Variants in PARD3 observed in about 807,000 individuals in gnomAD.
The protein encoded by PARD3 is par-3 family cell polarity regulator.
Under a neutral mutation model 155.4 loss-of-function variants are expected in PARD3, and 75 were observed. That is an observed-to-expected ratio of 0.48 (90% CI 0.40 to 0.58). The LOEUF is 0.58. Among genes scored for constraint, PARD3 ranks in the 20% least tolerant of loss-of-function variants. The pLI is 0.00. For missense variants in PARD3, 1,642 were observed against 1,721.7 expected (o/e 0.95, Z 0.82); for synonymous variants, 576 against 610.5 (o/e 0.94, Z 0.83).
At position 34,331,135 on chromosome 10, in the gene PARD3, C is replaced by A; in HGVS notation, c.2815G>T (p.Asp939Tyr). The A allele has an allele frequency of 6.2e-7, 1 of 1,613,448 alleles. No homozygotes were observed. Among genetic ancestry groups the A allele is most frequent in the South Asian group, 1.1e-5 (1 of 91,064 alleles). The change falls in exon 19 of 25, where the codon GAT becomes TAT. Residue 939 changes from aspartate to tyrosine, a missense_variant. This residue lies in a region of PARD3 where 1,529 missense variants were observed against 1,587.3 expected (regional missense o/e 0.96). Transcript: ENST00000374788. ...SYDKPAVDDDDEGMETLEEDT... is the reference protein window; with the variant it reads ...SYDKPAVDDDYEGMETLEEDT... ...AACTTACAGGTCTCCATGCCTTCAT[C>A]ATCATCATCTACCGCGGGTTTATCA...
At chr10:34,519,265 C>G in intron 2 of PARD3, among the ~76,000 whole-genome samples, 1 of 152,074 alleles carries the variant, frequency 6.6e-6, no homozygotes, top group East Asian at 1.9e-4. Flanking sequence ...GATTAGTTGA[C>G]AGTACTGACT....
intron 22 of PARD3, among the ~76,000 whole-genome samples, chr10:34,230,214 T>A (rs1269274238): frequency 6.6e-6 from 1 of 151,992 alleles, no homozygotes; most frequent in African/African-American, 2.4e-5. Flanking sequence ...AACATAAACC[T>A]ACCCAGCCAC....
At chr10:34,173,065 G>A (rs943633288) in intron 22 of PARD3, among the ~76,000 whole-genome samples, 10 of 152,142 alleles carry the variant, frequency 6.6e-5, no homozygotes, top group Non-Finnish European at 8.8e-5. Flanking sequence ...TTTGTTTACC[G>A]CATGACTAAT....
chr10:34,483,669 C>T (rs1043332722), intron 3 of PARD3, among the ~76,000 whole-genome samples: 1 of 150,576 alleles, frequency 6.6e-6, no homozygotes, highest in Non-Finnish European at 1.5e-5. Context: ...ACGTATCTTT[C>T]TTCCTCACTG....
chr10:34,399,222 T>C, intron 7 of PARD3, 108 bp downstream of exon 7: 1 of 744,830 alleles, frequency 1.3e-6, no homozygotes, highest in Non-Finnish European at 2.4e-6. Context: ...CAAATGAGAA[T>C]GTTTCCTATT....
At chr10:34,388,166 C>G (rs753923185) in intron 7 of PARD3, among the ~76,000 whole-genome samples, 1 of 152,104 alleles carries the variant, frequency 6.6e-6, no homozygotes, top group Admixed American at 6.5e-5. Context: ...ATGAGGGAAT[C>G]AAGGGAACAG....
At chr10:34,539,461 G>A (rs930105806) in intron 2 of PARD3, among the ~76,000 whole-genome samples, 3 of 152,142 alleles carry the variant, frequency 2.0e-5, no homozygotes, top group Non-Finnish European at 2.9e-5. Context: ...CTAAGGTCAG[G>A]AGTTTGAGAC....
At chr10:34,812,352 C>T (rs1844291999) in intron 1 of PARD3, among the ~76,000 whole-genome samples, 1 of 152,172 alleles carries the variant, frequency 6.6e-6, no homozygotes, top group South Asian at 2.1e-4. Context: ...CCACATGTCA[C>T]CTAGCAACCT....
chr10:34,311,171 A>C (rs1957677477), intron 20 of PARD3, among the ~76,000 whole-genome samples: 1 of 152,196 alleles, frequency 6.6e-6, no homozygotes, highest in Non-Finnish European at 1.5e-5. Flanking sequence ...ACTGCTTTCA[A>C]GTCAGAGCAG....
At position 34,514,280 on chromosome 10, in the gene PARD3, A is replaced by C. The variant is rs578224194; in HGVS notation, c.403+2699T>G. Among the ~76,000 whole-genome samples the C allele has an allele frequency of 2.0e-5, 3 of 152,326 alleles. No individual in the cohort carries two copies. The South Asian group carries it at 6.2e-4, about 32-fold the overall frequency. On this transcript the variant is annotated intron_variant, in intron 3 of 24. Coordinates refer to ENST00000374788, the MANE Select transcript of PARD3 (RefSeq NM_001184785.2). ...AAATTTATTTATCTTCAATTAAGCA[A>C]ATCTCTACATATTGTTGGCTTCTTT... is the stretch of plus-strand genomic sequence containing the variant.
At chr10:34,227,862 A>T (rs1311930959) in intron 22 of PARD3, among the ~76,000 whole-genome samples, 1 of 121,598 alleles carries the variant, frequency 8.2e-6, no homozygotes, top group Non-Finnish European at 1.8e-5. Flanking sequence ...TTTTTTATAT[A>T]TATATATATA....
At chr10:34,576,470 C>A (rs935982863) in intron 2 of PARD3, among the ~76,000 whole-genome samples, 2 of 150,508 alleles carry the variant, frequency 1.3e-5, no homozygotes, top group African/African-American at 4.9e-5. Context: ...CATGTTAAGG[C>A]AAGAAATTTT....
intron 24 of PARD3, among the ~76,000 whole-genome samples, chr10:34,114,547 T>C (rs553399656): frequency 2.0e-5 from 3 of 152,250 alleles, no homozygotes; most frequent in East Asian, 3.9e-4. Flanking sequence ...TTTCACCATG[T>C]TGGACCAGGC....
chr10:34,399,176 A>G (rs1843642399), intron 7 of PARD3, among the ~76,000 whole-genome samples, 154 bp downstream of exon 7: 1 of 152,194 alleles, frequency 6.6e-6, no homozygotes. Context: ...TTCTGTGATT[A>G]TGACATATAT....
At chr10:34,477,634 G>C (rs1378462080) in intron 3 of PARD3, among the ~76,000 whole-genome samples, 3 of 152,182 alleles carry the variant, frequency 2.0e-5, no homozygotes, top group Non-Finnish European at 2.9e-5. Context: ...ATTTTTAACT[G>C]TTAAATATCC....
intron 5 of PARD3, among the ~76,000 whole-genome samples, chr10:34,407,582 CTT>C (rs1258838740): frequency 2.6e-5 from 4 of 152,202 alleles, no homozygotes; most frequent in Non-Finnish European, 5.9e-5. Context: ...TCAGTGGTTA[CTT>C]TTGCCTAAAA....
At chr10:34,787,842 G>T (rs758239052) in intron 1 of PARD3, among the ~76,000 whole-genome samples, 1 of 150,656 alleles carries the variant, frequency 6.6e-6, no homozygotes, top group Non-Finnish European at 1.5e-5. Context: ...GTACAGTGGC[G>T]CAACCAGAGC....
intron 5 of PARD3, among the ~76,000 whole-genome samples, chr10:34,427,238 C>T (rs1589533194): frequency 6.6e-6 from 1 of 152,168 alleles, no homozygotes; most frequent in African/African-American, 2.4e-5. Flanking sequence ...TCTCTTATTA[C>T]CGAAAACGGG....
At chr10:34,716,809 C>T (rs2094528781) in intron 1 of PARD3, among the ~76,000 whole-genome samples, 2 of 152,066 alleles carry the variant, frequency 1.3e-5, no homozygotes, top group African/African-American at 4.8e-5. Flanking sequence ...TCAGGTTGGT[C>T]TCGCACTGCC....
Sources: gnomAD v4.1 joint callset for allele counts (sites outside exome capture counted in the v4.1 genomes callset) on GRCh38, gnomAD v4.1.1 for gene constraint, gnomAD v4.1.1 regional missense constraint, MANE v1.5 for transcripts, NCBI Gene and HGNC (gene_info 2026-07-23, HGNC 2026-07-21) for gene names.